Variants in MACF1 observed in about 807,000 individuals in gnomAD.
The protein encoded by MACF1 is microtubule actin crosslinking factor 1.
Under a neutral mutation model 854.8 loss-of-function variants are expected in MACF1, and 193 were observed. That is an observed-to-expected ratio of 0.23 (90% CI 0.20 to 0.25). MACF1 has a LOEUF of 0.25. Ranked by LOEUF, MACF1 falls within the 10% of genes least tolerant of loss-of-function variation. The pLI, the probability that MACF1 is intolerant of heterozygous loss-of-function variation, is 1.00. For missense variants in MACF1, 7,722 were observed against 8,929.1 expected (o/e 0.86, Z 5.45); for synonymous variants, 3,185 against 3,226.7 (o/e 0.99, Z 0.44).
At chr1:39,383,769 C>A (rs535963402) in intron 56 of MACF1, among the ~76,000 whole-genome samples, 116 of 151,666 alleles carry the variant, frequency 7.6e-4, no homozygotes, top group Middle Eastern at 3.4e-3. Context: ...CCCAGCTGCT[C>A]GGGAGGCTGA....
At position 39,448,020 on chromosome 1, in the gene MACF1, T is replaced by C. The variant is rs746250040; in HGVS notation, c.19969-13T>C. On this transcript the variant is annotated splice_polypyrimidine_tract_variant and intron_variant, in intron 82 of 100. Coordinates refer to ENST00000564288, the MANE Select transcript of MACF1 (RefSeq NM_001394062.1). Reference sequence around the variant, plus strand: ...TATTCATTCCTGTTAACTTATTTCTTATGTAATTTTAGTTCCATGAAGCTT... The same window carrying C: ...TATTCATTCCTGTTAACTTATTTCTCATGTAATTTTAGTTCCATGAAGCTT... 1.9e-6 allele frequency: 3 copies of C among 1,613,852 alleles called. No homozygotes were observed. Among genetic ancestry groups the C allele is most frequent in the Middle Eastern group, 3.3e-4 (2 of 6,062 alleles).
At position 39,211,518 on chromosome 1, in the gene MACF1, C is replaced by T. The variant is rs140745702; in HGVS notation, c.109+6387C>T. 1.0e-3 allele frequency among the ~76,000 whole-genome samples: 158 copies of T among 152,146 alleles called. 2 individuals are homozygous for T. The East Asian group carries it at 0.013, about 13-fold the overall frequency. ...CCTGGACTCAAGCAATCCTCCACGTCGGCCTCCCAAAGTGCTGGGATTACA... is the reference window on the plus strand; with the variant it reads ...CCTGGACTCAAGCAATCCTCCACGTTGGCCTCCCAAAGTGCTGGGATTACA... On this transcript the variant is annotated intron_variant, in intron 1 of 100. Coordinates refer to ENST00000564288, the MANE Select transcript of MACF1 (RefSeq NM_001394062.1).
chr1:39,483,947 C>T (rs1222914459), intron 99 of MACF1, among the ~76,000 whole-genome samples: 6 of 152,152 alleles, frequency 3.9e-5, no homozygotes, highest in East Asian at 1.9e-4. Context: ...GTCAGGAGAT[C>T]GAGACCATCC....
intron 97 of MACF1, among the ~76,000 whole-genome samples, chr1:39,471,795 TAA>T (rs1644782760): frequency 6.6e-6 from 1 of 151,994 alleles, no homozygotes; most frequent in South Asian, 2.1e-4. Context: ...TATGAAGATT[TAA>T]AAGACACATT....
At chr1:39,194,688 C>T (rs973349631) in intron 2 of MACF1, among the ~76,000 whole-genome samples, 1 of 146,974 alleles carries the variant, frequency 6.8e-6, no homozygotes, top group African/African-American at 2.5e-5. Flanking sequence ...CCTCCCCTCC[C>T]CTCCCCTCCC....
At chr1:39,245,402 T>C (rs1055595068) in intron 2 of MACF1, among the ~76,000 whole-genome samples, 18 of 152,158 alleles carry the variant, frequency 1.2e-4, no homozygotes, top group Admixed American at 1.2e-3. Flanking sequence ...TGTCTCAGCC[T>C]CCTGAGTAGC....
intron 2 of MACF1, among the ~76,000 whole-genome samples, chr1:39,104,215 C>T (rs1259465666): frequency 3.3e-5 from 5 of 152,142 alleles, no homozygotes; most frequent in Admixed American, 2.0e-4. Flanking sequence ...TGGGGGGTGG[C>T]GGGCACAACG....
chr1:39,316,098 G>A (rs891425989), intron 27 of MACF1, among the ~76,000 whole-genome samples: 12 of 152,156 alleles, frequency 7.9e-5, no homozygotes, highest in Admixed American at 2.6e-4. Context: ...GAAGAGTAGC[G>A]CATCTTAAAC....
intron 58 of MACF1, among the ~76,000 whole-genome samples, chr1:39,403,563 G>A (rs909835268): frequency 6.6e-6 from 1 of 151,952 alleles, no homozygotes; most frequent in Non-Finnish European, 1.5e-5. Flanking sequence ...GTACTACTAT[G>A]CCCCTAGTAA....
chr1:39,169,468 G>A (rs937769790), intron 2 of MACF1, among the ~76,000 whole-genome samples: 2 of 151,886 alleles, frequency 1.3e-5, no homozygotes, highest in African/African-American at 4.8e-5. Flanking sequence ...AGCCAGACCT[G>A]GTGGTGTGTG....
intron 2 of MACF1, among the ~76,000 whole-genome samples, chr1:39,240,404 G>T (rs1263439980): frequency 6.6e-6 from 1 of 152,110 alleles, no homozygotes; most frequent in African/African-American, 2.4e-5. Context: ...TGCTTCTCAG[G>T]TCTACATATG....
At chr1:39,305,934 C>A (rs1646164978) in intron 23 of MACF1, among the ~76,000 whole-genome samples, 1 of 152,164 alleles carries the variant, frequency 6.6e-6, no homozygotes, top group African/African-American at 2.4e-5. Context: ...CTTCTTTACT[C>A]ATTTTATTTT....
Position 39,105,270 on chromosome 1 carries a change from G to A in MACF1, c.220+20832G>A. On this transcript the variant is annotated intron_variant, in intron 2 of 93. Coordinates refer to the MACF1 transcript ENST00000361689. The surrounding 1 kb of genome is among the most constrained non-coding windows in gnomAD (Gnocchi z 5.9). ...GAGGACTCGCCGGGACCCGGAGGCG[G>A]CGGGGAGAGGGGGCGGGGAACGGGC... The A allele has an allele frequency of 2.4e-6, 1 of 425,110 alleles. No homozygotes were observed. The highest frequency in any genetic ancestry group is 2.2e-5 in the African/African-American group (1 of 46,484). The allele number at this position is 425,110 out of a possible 1,614,324, so 26.3% of individuals were successfully genotyped here.
At chr1:39,241,972 C>T (rs944278101) in intron 2 of MACF1, among the ~76,000 whole-genome samples, 8 of 152,162 alleles carry the variant, frequency 5.3e-5, no homozygotes, top group Admixed American at 3.3e-4. Context: ...ATTCCAAGCA[C>T]GTAAGTGTAA....
chr1:39,349,424 A>T, intron 41 of MACF1, 54 bp from the exon 42 acceptor site: 2 of 1,546,052 alleles, frequency 1.3e-6, no homozygotes, highest in Non-Finnish European at 8.7e-7. Context: ...AGTTTCTTGT[A>T]TTTGCAAAAT....
chr1:39,149,493 A>G (rs1418315774), intron 2 of MACF1, among the ~76,000 whole-genome samples: 1 of 152,186 alleles, frequency 6.6e-6, no homozygotes, highest in Non-Finnish European at 1.5e-5. Context: ...GTGCCACTGC[A>G]CTGAAGCCTG....
chr1:39,250,666 C>T (rs983659146), intron 3 of MACF1, among the ~76,000 whole-genome samples: 1 of 152,078 alleles, frequency 6.6e-6, no homozygotes, highest in Non-Finnish European at 1.5e-5. Flanking sequence ...CTGAGCATAG[C>T]CTTGGATATA....
intron 1 of MACF1, 107 bp from the exon 2 acceptor site, chr1:39,231,075 T>C (rs1403750679): frequency 4.8e-6 from 4 of 832,440 alleles, no homozygotes; most frequent in East Asian, 4.9e-5. Context: ...CCCACAGTTA[T>C]GTGGGTAAGT....
intron 57 of MACF1, among the ~76,000 whole-genome samples, chr1:39,386,685 C>T (rs928876880): frequency 4.6e-5 from 7 of 152,200 alleles, no homozygotes; most frequent in Non-Finnish European, 1.0e-4. Flanking sequence ...CCGCCTTGGC[C>T]TCCCAAAGTG....
Sources: allele counts gnomAD v4.1 joint callset (sites outside exome capture counted in the v4.1 genomes callset), GRCh38; gene constraint gnomAD v4.1.1; non-coding constraint Gnocchi (gnomAD v3.1); transcripts MANE v1.5; gene names NCBI Gene and HGNC (gene_info 2026-07-23, HGNC 2026-07-21).